Variants in STT3B observed in about 807,000 individuals in gnomAD.
The protein encoded by STT3B is dolichyl-diphosphooligosaccharide--protein glycosyltransferase subunit STT3B.
Under a neutral mutation model 96.8 loss-of-function variants are expected in STT3B, and 29 were observed. The ratio of observed to expected loss-of-function variants is 0.30; its 90% CI spans 0.22 to 0.41. The LOEUF (loss-of-function observed/expected upper bound fraction) is 0.41, where lower values mean the gene tolerates loss of function less well. Among genes scored for constraint, STT3B ranks in the 10% least tolerant of loss-of-function variants. The probability of loss-of-function intolerance (pLI) is 1.00; values close to 1 mark genes in which losing one functional copy is unlikely to be tolerated. For synonymous variants in STT3B, 367 were observed against 360.0 expected (o/e 1.02, Z -0.22); for missense variants, 640 against 1,022.3 (o/e 0.63, Z 5.10).
intron 3 of STT3B, among the ~76,000 whole-genome samples, chr3:31,580,376 G>T (rs1698355531): frequency 6.6e-6 from 1 of 152,120 alleles, no homozygotes; most frequent in African/African-American, 2.4e-5. Context: ...GGGGAGATAG[G>T]TAAGAAATAG....
At chr3:31,615,070 G>A (rs1699276614) in intron 5 of STT3B, 35 bp from the exon 6 acceptor site, 4 of 1,364,832 alleles carry the variant, frequency 2.9e-6, no homozygotes, top group Non-Finnish European at 4.1e-6. Context: ...AATGGTAGTA[G>A]TAAATTATCC....
intron 1 of STT3B, among the ~76,000 whole-genome samples, chr3:31,564,451 A>G (rs756057210): frequency 2.0e-4 from 30 of 152,244 alleles, no homozygotes; most frequent in Non-Finnish European, 4.0e-4. Context: ...GAGTAAGAGC[A>G]GGTTACTTAA....
intron 8 of STT3B, among the ~76,000 whole-genome samples, chr3:31,618,886 CTG>C (rs1699369432): frequency 6.6e-6 from 1 of 151,496 alleles, no homozygotes; most frequent in South Asian, 2.1e-4. Context: ...AATAATATAA[CTG>C]TAAAATAAAT....
At chr3:31,625,116 ATCTT>A in intron 12 of STT3B, 31 bp downstream of exon 12, 1 of 1,590,522 alleles carries the variant, frequency 6.3e-7, no homozygotes, top group Non-Finnish European at 8.6e-7. Flanking sequence ...AGGTTAAAAA[ATCTT>A]TATTCACTCC....
At chr3:31,558,264 G>C (rs1275353374) in intron 1 of STT3B, among the ~76,000 whole-genome samples, 1 of 152,080 alleles carries the variant, frequency 6.6e-6, no homozygotes, top group Non-Finnish European at 1.5e-5. Flanking sequence ...CTAGTTCTTT[G>C]TGGAAAGGCT....
At chr3:31,585,152 T>C (rs948463007) in intron 3 of STT3B, among the ~76,000 whole-genome samples, 2 of 152,112 alleles carry the variant, frequency 1.3e-5, no homozygotes, top group Admixed American at 1.3e-4. Context: ...GCCCTATTAC[T>C]GTTACAAGCT....
intron 3 of STT3B, among the ~76,000 whole-genome samples, chr3:31,584,951 A>G (rs948458144): frequency 6.6e-6 from 1 of 152,162 alleles, no homozygotes; most frequent in Non-Finnish European, 1.5e-5. Flanking sequence ...TCTAACTACT[A>G]TGAAAAGTTG....
intron 13 of STT3B, among the ~76,000 whole-genome samples, 200 bp downstream of exon 13, chr3:31,626,327 C>G (rs935397079): frequency 6.6e-6 from 1 of 152,182 alleles, no homozygotes; most frequent in African/African-American, 2.4e-5. Flanking sequence ...AACTAATATA[C>G]CATTCTTCCC....
chr3:31,633,555 A>AT (rs1699704389), intron 15 of STT3B, among the ~76,000 whole-genome samples: 1 of 152,212 alleles, frequency 6.6e-6, no homozygotes, highest in African/African-American at 2.4e-5. Context: ...TGAATAAAGA[A>AT]TAGGTTTGGG....
Position 31,580,819 on chromosome 3 carries a change from G to A in STT3B, c.711+723G>A, listed in dbSNP as rs961542733. On this transcript the variant is annotated intron_variant, in intron 3 of 15. Coordinates refer to ENST00000295770, the MANE Select transcript of STT3B (RefSeq NM_178862.3). ...GTGTCTTAATCTTGAGTTTAAAAGA[G>A]AAGAAAGAAAAATACCCATTCAAGT... is the stretch of plus-strand genomic sequence containing the variant. 2.6e-5 allele frequency among the ~76,000 whole-genome samples: 4 copies of A among 151,768 alleles called. 1 individual carries two copies. Among genetic ancestry groups the A allele is most frequent in the East Asian group, 1.9e-4 (1 of 5,146 alleles).
At chr3:31,590,852 T>C (rs558548511) in intron 3 of STT3B, among the ~76,000 whole-genome samples, 2 of 152,040 alleles carry the variant, frequency 1.3e-5, no homozygotes, top group African/African-American at 4.8e-5. Context: ...TAAGTGTAAA[T>C]ATTTACTATC....
chr3:31,559,047 CTT>C (rs1697793390), intron 1 of STT3B, among the ~76,000 whole-genome samples: 1 of 139,430 alleles, frequency 7.2e-6, no homozygotes, highest in Non-Finnish European at 1.6e-5. Flanking sequence ...GGGTCTTTCT[CTT>C]TTTTCTTGGT....
intron 3 of STT3B, among the ~76,000 whole-genome samples, chr3:31,591,750 T>C (rs1698669386): frequency 1.3e-5 from 2 of 152,178 alleles, no homozygotes; most frequent in Non-Finnish European, 2.9e-5. Context: ...AACTTACACT[T>C]ATTAAATTAA....
intron 1 of STT3B, among the ~76,000 whole-genome samples, chr3:31,574,279 A>G (rs1698219007): frequency 6.6e-6 from 1 of 152,066 alleles, no homozygotes; most frequent in Admixed American, 6.6e-5. Flanking sequence ...TTATCTGGGT[A>G]GAGCTATTTT....
At chr3:31,549,304 TC>T (rs1697493517) in intron 1 of STT3B, among the ~76,000 whole-genome samples, 1 of 150,952 alleles carries the variant, frequency 6.6e-6, no homozygotes, top group Admixed American at 6.6e-5. Context: ...ATTGATAGCA[TC>T]CCCCCTGATT....
chr3:31,615,952 T>C (rs1699298355), intron 6 of STT3B, among the ~76,000 whole-genome samples: 1 of 151,956 alleles, frequency 6.6e-6, no homozygotes, highest in Non-Finnish European at 1.5e-5. Flanking sequence ...ACTACTCCTT[T>C]AGTTTTGTAT....
At chr3:31,614,567 T>C (rs1420191004) in intron 5 of STT3B, among the ~76,000 whole-genome samples, 1 of 151,956 alleles carries the variant, frequency 6.6e-6, no homozygotes, top group African/African-American at 2.4e-5. Flanking sequence ...ACTTAGTTCT[T>C]TAATTACAGA....
intron 1 of STT3B, among the ~76,000 whole-genome samples, chr3:31,558,738 G>A (rs1048901094): frequency 6.6e-6 from 1 of 152,120 alleles, no homozygotes; most frequent in African/African-American, 2.4e-5. Flanking sequence ...GAGGAGAATA[G>A]ATGTGTGTTT....
intron 1 of STT3B, among the ~76,000 whole-genome samples, chr3:31,555,809 T>C (rs1214747350): frequency 1.3e-5 from 2 of 152,176 alleles, no homozygotes; most frequent in Non-Finnish European, 1.5e-5. Flanking sequence ...GTACATATCA[T>C]ATTTTGTAGC....
Sources: gnomAD v4.1 joint callset for allele counts (sites outside exome capture counted in the v4.1 genomes callset) on GRCh38, gnomAD v4.1.1 for gene constraint, MANE v1.5 for transcripts, NCBI Gene and HGNC (gene_info 2026-07-23, HGNC 2026-07-21) for gene names.